The following ARIH1 variants were observed in gnomAD, a reference collection of about 807,000 sequenced individuals.
ARIH1 encodes the protein ariadne RBR E3 ubiquitin protein ligase 1.
A neutral mutation model predicts 85.0 loss-of-function variants in ARIH1; 8 were observed. That is an observed-to-expected ratio of 0.09 (90% CI 0.06 to 0.17). ARIH1 has a LOEUF of 0.17. Ranked by LOEUF, ARIH1 falls within the 10% of genes least tolerant of loss-of-function variation. The pLI is 1.00. For missense variants in ARIH1, 311 were observed against 718.1 expected, an observed-to-expected ratio of 0.43 and a Z score of 6.48; for synonymous variants, 238 against 253.6, an observed-to-expected ratio of 0.94 and a Z score of 0.59.
At chr15:72,526,305 G>T (rs2064028025) in intron 2 of ARIH1, among the ~76,000 whole-genome samples, 2 of 152,072 alleles carry the variant, frequency 1.3e-5, no homozygotes, top group African/African-American at 4.8e-5. Context: ...GGTGCCCATG[G>T]TCCCCTGAGG....
intron 1 of ARIH1, among the ~76,000 whole-genome samples, chr15:72,503,910 A>C (rs1213149633): frequency 1.3e-5 from 2 of 152,172 alleles, no homozygotes; most frequent in African/African-American, 2.4e-5. Context: ...CAACCCCTGA[A>C]GCCCTAGAGG....
At position 72,476,230 on chromosome 15, in the gene ARIH1, A is replaced by C. The variant is rs575671511; in HGVS notation, c.375+1216A>C. On this transcript the variant is annotated intron_variant, in intron 1 of 13. Transcript: ENST00000379887. ...AACAGTTTTAAAAATTGAAGCATCT[A>C]TTCAGGCACTGTTTCAATACAGTGT... Among the ~76,000 whole-genome samples, 10 of 152,372 alleles carry C rather than the reference A, an allele frequency of 6.6e-5. No individual in the cohort carries two copies. The South Asian group carries it at 1.7e-3, about 25-fold the overall frequency.
chr15:72,499,345 G>A (rs1159171089), intron 1 of ARIH1, among the ~76,000 whole-genome samples: 1 of 151,504 alleles, frequency 6.6e-6, no homozygotes, highest in Non-Finnish European at 1.5e-5. Flanking sequence ...AGCAATACAT[G>A]CATGTGGTAA....
chr15:72,560,334 A>G (rs974029354), intron 5 of ARIH1, among the ~76,000 whole-genome samples: 2 of 152,224 alleles, frequency 1.3e-5, no homozygotes, highest in Non-Finnish European at 1.5e-5. Context: ...AACTCAGGAA[A>G]GGCTTCCTTG....
chr15:72,546,453 T>C (rs150115147), intron 3 of ARIH1, among the ~76,000 whole-genome samples: 51 of 152,300 alleles, frequency 3.3e-4, no homozygotes, highest in African/African-American at 1.2e-3. Flanking sequence ...TTTTTGGCTT[T>C]AGCGGGAGGT....
Position 72,561,572 on chromosome 15 carries a change from T to G in ARIH1, c.804+23T>G, listed in dbSNP as rs189335632. On this transcript the variant is annotated intron_variant, in intron 6 of 13. Transcript: ENST00000379887. ...GAGGTAAGTGATTTGTTTTCCTTCT[T>G]GTAAGAAGGAATTCTGTTTATTAAT... The G allele has an allele frequency of 1.4e-4, 189 of 1,373,966 alleles. 1 individual carries two copies. The East Asian group carries it at 3.3e-3, about 24-fold the overall frequency. The allele number at this position is 1,373,966 out of a possible 1,614,324, so 85.1% of individuals were successfully genotyped here. A position where few individuals can be genotyped will look rare whatever the true frequency, so the allele number is the denominator to read the frequency against.
intron 2 of ARIH1, among the ~76,000 whole-genome samples, chr15:72,534,728 T>A (rs2064073349): frequency 6.6e-6 from 1 of 152,134 alleles, no homozygotes; most frequent in Non-Finnish European, 1.5e-5. Flanking sequence ...CTCCCCGGAT[T>A]TGGGGTTTGA....
At chr15:72,572,062 C>A in intron 10 of ARIH1, 46 bp from the exon 11 acceptor site, 1 of 1,298,392 alleles carries the variant, frequency 7.7e-7, no homozygotes, top group Non-Finnish European at 1.1e-6. Context: ...TTTTCCTTTT[C>A]ATTGATTTTT....
At chr15:72,513,268 A>G (rs1038836032) in intron 1 of ARIH1, among the ~76,000 whole-genome samples, 19 of 151,788 alleles carry the variant, frequency 1.3e-4, no homozygotes, top group African/African-American at 3.9e-4. Flanking sequence ...ATTCTACTTG[A>G]TATATTTATT....
intron 11 of ARIH1, among the ~76,000 whole-genome samples, chr15:72,578,134 G>T (rs765471135): frequency 3.3e-5 from 5 of 152,200 alleles, no homozygotes; most frequent in Non-Finnish European, 5.9e-5. Context: ...TGTGGTGTCT[G>T]TTAGCTAACC....
At chr15:72,554,954 T>C (rs1461790669) in intron 3 of ARIH1, among the ~76,000 whole-genome samples, 1 of 152,176 alleles carries the variant, frequency 6.6e-6, no homozygotes, top group African/African-American at 2.4e-5. Context: ...GGTTTTGCCA[T>C]GTTGCCCCGC....
chr15:72,581,065 C>T (rs1278758879), intron 12 of ARIH1, 74 bp downstream of exon 12: 35 of 1,457,782 alleles, frequency 2.4e-5, no homozygotes, highest in Non-Finnish European at 3.1e-5. Context: ...ATATAAGATA[C>T]AGAGTTTTCA....
In ARIH1 at chr15:72,518,183, C is replaced by T. The variant is rs753665374; in HGVS notation, c.443+49C>T. 2.0e-6 allele frequency: 3 copies of T among 1,468,050 alleles called. No homozygotes were observed. The Admixed American group carries it at 5.7e-5, about 28-fold the overall frequency. The allele number at this position is 1,468,050 out of a possible 1,614,324, so 90.9% of individuals were successfully genotyped here. On this transcript the variant is annotated intron_variant, in intron 2 of 13. Coordinates refer to ENST00000379887, the MANE Select transcript of ARIH1 (RefSeq NM_005744.5). ...TGTACTTAGAAGTAACACAGAAAGC[C>T]TATTGAACCGAATTTACAAGAATCA... is the stretch of plus-strand genomic sequence containing the variant.
intron 1 of ARIH1, among the ~76,000 whole-genome samples, chr15:72,508,846 A>G (rs1282198429): frequency 6.6e-6 from 1 of 152,000 alleles, no homozygotes; most frequent in Non-Finnish European, 1.5e-5. Context: ...GGCATACGCC[A>G]CCATGCCCGG....
At chr15:72,581,772 A>AAG (rs1473874903) in intron 12 of ARIH1, 1 of 212,134 alleles carries the variant, frequency 4.7e-6, no homozygotes, top group Non-Finnish European at 9.4e-6. Context: ...GTTTTCAGCA[A>AAG]AGAGCAGCTC....
intron 1 of ARIH1, among the ~76,000 whole-genome samples, chr15:72,498,914 T>G (rs539621538): frequency 2.6e-4 from 39 of 151,788 alleles, no homozygotes; most frequent in African/African-American, 9.2e-4. Context: ...TGTTTTAATT[T>G]ACATTTTTCT....
intron 2 of ARIH1, among the ~76,000 whole-genome samples, chr15:72,539,514 A>G (rs1350844667): frequency 6.6e-6 from 1 of 152,206 alleles, no homozygotes; most frequent in East Asian, 1.9e-4. Context: ...GATAGCAGAA[A>G]GAAATAGAGC....
intron 1 of ARIH1, among the ~76,000 whole-genome samples, chr15:72,485,770 A>G (rs2063835179): frequency 6.6e-6 from 1 of 152,136 alleles, no homozygotes; most frequent in Admixed American, 6.5e-5. Context: ...TAAATTATTG[A>G]CTGTATATAC....
rs1020466792 is a variant in ARIH1, at chr15:72,599,919, A to G, written c.*16627A>G. 2 of 152,032 alleles carry G rather than the reference A, an allele frequency of 1.3e-5. No homozygotes were observed. The highest frequency in any genetic ancestry group is 2.9e-5 in the Non-Finnish European group (2 of 68,012). The allele number at this position is 152,032 out of a possible 1,614,324, so 9.4% of individuals were successfully genotyped here. A position where few individuals can be genotyped will look rare whatever the true frequency, so the allele number is the denominator to read the frequency against. ...AGAATAGGCATACTGAAAATCCTCC[A>G]TGAAGTCCAGTGAAGCTTCATATTA... On this transcript the variant is annotated 3_prime_UTR_variant, in exon 14 of 14. Transcript: ENST00000379887.
Sources: gnomAD v4.1 joint callset for allele counts (sites outside exome capture counted in the v4.1 genomes callset) on GRCh38, gnomAD v4.1.1 for gene constraint, MANE v1.5 for transcripts, NCBI Gene and HGNC (gene_info 2026-07-23, HGNC 2026-07-21) for gene names.